Variants in KLF12 observed in about 807,000 individuals in gnomAD.
KLF12 encodes KLF transcription factor 12, also known as Krueppel-like factor 12.
A neutral mutation model predicts 37.8 loss-of-function variants in KLF12; 9 were observed. The observed-to-expected ratio is 0.24, with a 90% CI of 0.14 to 0.42. KLF12 has a LOEUF of 0.42. KLF12 is among the 10% of genes least tolerant of loss of function. The pLI is 1.00. For synonymous variants in KLF12, 208 were observed against 202.1 expected (o/e 1.03, Z -0.25); for missense variants, 411 against 516.0 (o/e 0.80, Z 1.97).
the KLF12 span, among the ~76,000 whole-genome samples, chr13:74,278,538 C>T: frequency 6.6e-6 from 1 of 152,146 alleles, no homozygotes; most frequent in Non-Finnish European, 1.5e-5. Flanking sequence ...GGCACCAGTC[C>T]ACAGTGTCCT....
intron 5 of KLF12, among the ~76,000 whole-genome samples, chr13:73,810,982 C>CTTTTTTTTTTTTTTTTTTT (rs376490803): frequency 6.7e-5 from 3 of 44,808 alleles, no homozygotes; most frequent in African/African-American, 1.7e-4. Context: ...ATTTTTCTTT[C>CTTTTTTTTTTTTTTTTTTT]TTTTTTTTTT....
At chr13:74,158,931 T>C in the KLF12 span, among the ~76,000 whole-genome samples, 1 of 152,158 alleles carries the variant, frequency 6.6e-6, no homozygotes, top group Non-Finnish European at 1.5e-5. Context: ...GTAAATGTTT[T>C]TAAAGTTAAA....
At chr13:73,876,663 T>C (rs938205305) in intron 3 of KLF12, among the ~76,000 whole-genome samples, 4 of 149,444 alleles carry the variant, frequency 2.7e-5, no homozygotes, top group African/African-American at 9.7e-5. Flanking sequence ...TTTTTATGTT[T>C]CTATTTGTCC....
At chr13:74,094,182 G>C (rs1296726989) in intron 1 of KLF12, among the ~76,000 whole-genome samples, 1 of 152,054 alleles carries the variant, frequency 6.6e-6, no homozygotes, top group Non-Finnish European at 1.5e-5. Context: ...TACAGACACA[G>C]TAGAAAAGGT....
the KLF12 span, among the ~76,000 whole-genome samples, chr13:74,271,101 G>C: frequency 1.3e-5 from 2 of 152,096 alleles, no homozygotes; most frequent in Non-Finnish European, 2.9e-5. Context: ...CCTATTGTGA[G>C]CTGCACATGT....
chr13:74,222,130 G>A, the KLF12 span, among the ~76,000 whole-genome samples: 30,687 of 152,028 alleles, frequency 0.2, 4,012 homozygotes, highest in African/African-American at 0.37. Flanking sequence ...TGACCCTCAC[G>A]TTCTCCCTTC....
At position 73,922,873 on chromosome 13, in the gene KLF12, G is replaced by A. The variant is rs115356890; in HGVS notation, c.123+21108C>T. Among the ~76,000 whole-genome samples the A allele has an allele frequency of 1.7e-3, 259 of 152,248 alleles. 3 individuals carry two copies. The highest frequency in any genetic ancestry group is 5.9e-3 in the African/African-American group (246 of 41,560). On this transcript the variant is annotated intron_variant, in intron 3 of 7. Coordinates refer to ENST00000377669, the MANE Select transcript of KLF12 (RefSeq NM_007249.5). ...GCTCCTGATTGGCCAGGTTAGCACA[G>A]ACTGAATATTAACCCCCAGGCCTCC... is the stretch of plus-strand genomic sequence containing the variant.
chr13:74,202,078 T>C, the KLF12 span, among the ~76,000 whole-genome samples: 2 of 152,160 alleles, frequency 1.3e-5, no homozygotes, highest in African/African-American at 4.8e-5. Flanking sequence ...TCCAAACTAA[T>C]GCATGTACAT....
intron 2 of KLF12, among the ~76,000 whole-genome samples, chr13:73,956,857 C>A (rs1003422974): frequency 6.6e-6 from 1 of 151,156 alleles, no homozygotes; most frequent in Admixed American, 6.6e-5. Context: ...CCTGGGAGGT[C>A]GAGGCTATGA....
intron 2 of KLF12, among the ~76,000 whole-genome samples, chr13:73,961,112 C>T (rs1408672): frequency 0.73 from 110,132 of 151,906 alleles, 40,719 homozygotes; most frequent in East Asian, 0.88. Context: ...ATCTTATAAT[C>T]ACAACAATTA....
At chr13:73,889,823 A>G (rs1192548674) in intron 3 of KLF12, among the ~76,000 whole-genome samples, 1 of 152,172 alleles carries the variant, frequency 6.6e-6, no homozygotes, top group African/African-American at 2.4e-5. Flanking sequence ...TTAGAATATT[A>G]CAAAATAAAA....
intron 5 of KLF12, among the ~76,000 whole-genome samples, chr13:73,777,964 T>G (rs1880724403): frequency 6.6e-6 from 1 of 151,632 alleles, no homozygotes; most frequent in Non-Finnish European, 1.5e-5. Flanking sequence ...AAATGCCATC[T>G]CTACCAAGAA....
intron 2 of KLF12, among the ~76,000 whole-genome samples, chr13:73,945,216 C>A (rs1353097781): frequency 6.6e-6 from 1 of 152,172 alleles, no homozygotes; most frequent in African/African-American, 2.4e-5. Context: ...CGCCTGTAAC[C>A]CCAGCACTTT....
intron 4 of KLF12, among the ~76,000 whole-genome samples, chr13:73,819,869 T>C (rs1366732805): frequency 6.6e-6 from 1 of 152,094 alleles, no homozygotes; most frequent in East Asian, 1.9e-4. Flanking sequence ...GTGAGGGGCA[T>C]TCCAGGCAGA....
chr13:73,917,855 T>A (rs1251181365), intron 3 of KLF12, among the ~76,000 whole-genome samples: 2 of 152,066 alleles, frequency 1.3e-5, no homozygotes, highest in Non-Finnish European at 2.9e-5. Flanking sequence ...GAAGGCATTT[T>A]AAAAATCAAA....
the KLF12 span, among the ~76,000 whole-genome samples, chr13:74,271,941 T>TA: frequency 2.6e-5 from 4 of 152,212 alleles, no homozygotes; most frequent in Admixed American, 2.6e-4. Flanking sequence ...CAGCTTTTTA[T>TA]AAAAAACTTT....
intron 2 of KLF12, among the ~76,000 whole-genome samples, chr13:73,987,670 G>A (rs937205179): frequency 3.5e-5 from 5 of 141,728 alleles, no homozygotes; most frequent in African/African-American, 1.3e-4. Context: ...GGGGAAGAGA[G>A]GAAATTGGAG....
intron 3 of KLF12, among the ~76,000 whole-genome samples, chr13:73,877,601 G>A (rs1250742176): frequency 6.6e-6 from 1 of 152,148 alleles, no homozygotes; most frequent in Non-Finnish European, 1.5e-5. Context: ...GATATTGACA[G>A]GTTGGCTGTC....
At chr13:74,094,014 T>TTTAAA (rs1875832813) in intron 1 of KLF12, among the ~76,000 whole-genome samples, 1 of 151,160 alleles carries the variant, frequency 6.6e-6, no homozygotes. Flanking sequence ...AACACAAACA[T>TTTAAA]GTATTCAACA....
Sources: allele counts gnomAD v4.1 joint callset (sites outside exome capture counted in the v4.1 genomes callset), GRCh38; gene constraint gnomAD v4.1.1; transcripts MANE v1.5; gene names NCBI Gene and HGNC (gene_info 2026-07-23, HGNC 2026-07-21).